Variants in TMEM232 observed in about 807,000 individuals in gnomAD.
TMEM232 encodes transmembrane protein 232.
A neutral mutation model predicts 78.8 loss-of-function variants in TMEM232; 80 were observed. That is an observed-to-expected ratio of 1.01 (90% confidence interval 0.85 to 1.22). The LOEUF is 1.22. TMEM232 is among the 50% of genes most tolerant of loss of function. The pLI, the probability that TMEM232 is intolerant of heterozygous loss-of-function variation, is 0.00. For synonymous variants in TMEM232, 297 were observed against 254.3 expected, an observed-to-expected ratio of 1.17 and a Z score of -1.60; for missense variants, 881 against 742.2, an observed-to-expected ratio of 1.19 and a Z score of -2.17.
intron 1 of TMEM232, among the ~76,000 whole-genome samples, chr5:110,669,399 G>A (rs1561486475): frequency 6.6e-6 from 1 of 151,972 alleles, no homozygotes; most frequent in African/African-American, 2.4e-5. Flanking sequence ...ATAAATTCCT[G>A]GACACATACA....
chr5:110,621,269 C>T (rs1194927606), intron 7 of TMEM232, among the ~76,000 whole-genome samples: 3 of 152,000 alleles, frequency 2.0e-5, no homozygotes, highest in Non-Finnish European at 4.4e-5. Context: ...TTAATACAAT[C>T]ATCACATATA....
intron 2 of TMEM232, among the ~76,000 whole-genome samples, 179 bp from the exon 3 acceptor site, chr5:110,642,550 G>C (rs1488418828): frequency 6.6e-6 from 1 of 152,056 alleles, no homozygotes; most frequent in Non-Finnish European, 1.5e-5. Context: ...GACTGATCCT[G>C]TCATACTCTT....
At chr5:110,696,539 T>C (rs1217183980) in intron 1 of TMEM232, among the ~76,000 whole-genome samples, 1 of 152,210 alleles carries the variant, frequency 6.6e-6, no homozygotes, top group African/African-American at 2.4e-5. Flanking sequence ...GACATGATTG[T>C]ATATCTAGAA....
intron 2 of TMEM232, among the ~76,000 whole-genome samples, chr5:110,647,219 T>C (rs1344056223): frequency 6.6e-6 from 1 of 151,896 alleles, no homozygotes; most frequent in African/African-American, 2.4e-5. Flanking sequence ...ATAAAATTTA[T>C]TGAGATCTTG....
chr5:110,554,657 G>A (rs1340392255), intron 11 of TMEM232, among the ~76,000 whole-genome samples: 1 of 149,906 alleles, frequency 6.7e-6, no homozygotes, highest in African/African-American at 2.5e-5. Context: ...TCACAATGAT[G>A]CTGGCCTCAT....
At chr5:110,397,873 A>T (rs904948144) in intron 2 of TMEM232, 1 of 152,590 alleles carries the variant, frequency 6.6e-6, no homozygotes, top group African/African-American at 2.4e-5. Flanking sequence ...AGAGGAAATT[A>T]TTGTTTTAAA....
intron 1 of TMEM232, among the ~76,000 whole-genome samples, chr5:110,681,828 A>G (rs1369040439): frequency 6.6e-6 from 1 of 152,232 alleles, no homozygotes; most frequent in Non-Finnish European, 1.5e-5. Context: ...ACCATCTATT[A>G]AAACCTACTG....
At chr5:110,456,983 C>G (rs575355801) in intron 12 of TMEM232, among the ~76,000 whole-genome samples, 2 of 151,956 alleles carry the variant, frequency 1.3e-5, no homozygotes, top group Non-Finnish European at 2.9e-5. Context: ...AGTTACTATA[C>G]GAAAAGCATG....
chr5:110,551,816 A>C (rs1774501474), intron 11 of TMEM232, among the ~76,000 whole-genome samples: 1 of 152,200 alleles, frequency 6.6e-6, no homozygotes, highest in Non-Finnish European at 1.5e-5. Context: ...TCTCAACAGA[A>C]ATGATAGAAG....
intron 1 of TMEM232, among the ~76,000 whole-genome samples, chr5:110,693,572 T>C (rs906463007): frequency 6.6e-6 from 1 of 152,152 alleles, no homozygotes; most frequent in Non-Finnish European, 1.5e-5. Context: ...ATTAGATGAA[T>C]GGCTAACTAG....
intron 2 of TMEM232, among the ~76,000 whole-genome samples, chr5:110,405,293 G>T (rs563528687): frequency 6.6e-6 from 1 of 152,130 alleles, no homozygotes; most frequent in East Asian, 1.9e-4. Context: ...TCAAACAGGG[G>T]CAGTGGCTTG....
At chr5:110,713,885 T>C (rs1344254818) in intron 1 of TMEM232, among the ~76,000 whole-genome samples, 1 of 152,166 alleles carries the variant, frequency 6.6e-6, no homozygotes, top group Non-Finnish European at 1.5e-5. Context: ...ACAGTCTTGA[T>C]GGGAAAACTT....
At chr5:110,598,232 C>T (rs1475030552) in intron 10 of TMEM232, among the ~76,000 whole-genome samples, 6 of 148,706 alleles carry the variant, frequency 4.0e-5, no homozygotes, top group African/African-American at 1.3e-4. Flanking sequence ...AAGAAGACAT[C>T]TATGCAGCCA....
chr5:110,392,886 T>G (rs1342656842), intron 3 of TMEM232, among the ~76,000 whole-genome samples: 1 of 152,216 alleles, frequency 6.6e-6, no homozygotes, highest in Non-Finnish European at 1.5e-5. Context: ...AGATATTGCT[T>G]GTTGTCCCAC....
intron 12 of TMEM232, among the ~76,000 whole-genome samples, chr5:110,499,911 C>T (rs1198750153): frequency 6.6e-6 from 1 of 152,078 alleles, no homozygotes; most frequent in Non-Finnish European, 1.5e-5. Flanking sequence ...ACATATAGAA[C>T]AACACACAAA....
At chr5:110,641,760 A>G (rs190081130) in intron 3 of TMEM232, among the ~76,000 whole-genome samples, 63 of 152,268 alleles carry the variant, frequency 4.1e-4, no homozygotes, top group African/African-American at 1.5e-3. Context: ...ACTGAATCCA[A>G]TGTAAAAAAG....
intron 11 of TMEM232, among the ~76,000 whole-genome samples, chr5:110,534,616 C>T (rs1772050685): frequency 6.6e-6 from 1 of 152,198 alleles, no homozygotes; most frequent in Non-Finnish European, 1.5e-5. Flanking sequence ...TTCTCAACTA[C>T]TCATACATGC....
chr5:110,474,497 A>T (rs1343825865), intron 12 of TMEM232, among the ~76,000 whole-genome samples: 1 of 151,948 alleles, frequency 6.6e-6, no homozygotes, highest in Non-Finnish European at 1.5e-5. Context: ...GATATTGGGA[A>T]TGATTCAAGA....
At chr5:110,527,815 AAAATTAC>A (rs1770814661) in intron 12 of TMEM232, among the ~76,000 whole-genome samples, 1 of 152,012 alleles carries the variant, frequency 6.6e-6, no homozygotes, top group African/African-American at 2.4e-5. Context: ...TAAATGTATT[AAAATTAC>A]TAGAAAAAAT....
Sources: gnomAD v4.1 joint callset for allele counts (sites outside exome capture counted in the v4.1 genomes callset) on GRCh38, gnomAD v4.1.1 for gene constraint, MANE v1.5 for transcripts, NCBI Gene and HGNC (gene_info 2026-07-23, HGNC 2026-07-21) for gene names.